Variants in BRD10 observed in about 807,000 individuals in gnomAD.
BRD10 encodes uncharacterized bromodomain-containing protein 10.
chr9:6,008,015 C>A, the BRD10 span: 2 of 1,225,552 alleles, frequency 1.6e-6, no homozygotes, highest in Non-Finnish European at 2.0e-6. Context: ...AAGAGGAGAG[C>A]CTAGGTGCCC....
the BRD10 span, among the ~76,000 whole-genome samples, chr9:5,910,999 T>C: frequency 7.2e-5 from 11 of 152,228 alleles, no homozygotes; most frequent in Non-Finnish European, 1.2e-4. Flanking sequence ...GTTGTCTCTT[T>C]ACTTTGTTGA....
the BRD10 span, among the ~76,000 whole-genome samples, chr9:5,982,870 G>A: frequency 6.6e-6 from 1 of 152,304 alleles, no homozygotes; most frequent in African/African-American, 2.4e-5. Context: ...GCACCTGGAA[G>A]TTGTGAGATA....
chr9:5,919,249 A>AT, the BRD10 span: 193 of 150,252 alleles, frequency 1.3e-3, 1 homozygote, highest in Admixed American at 4.0e-3. Context: ...ATATATATGT[A>AT]TTTTTTTTTT....
the BRD10 span, chr9:5,919,747 A>T: frequency 2.5e-6 from 4 of 1,613,406 alleles, no homozygotes; most frequent in African/African-American, 5.3e-5. Flanking sequence ...AGACAGACGC[A>T]GGACTTCGAC....
the BRD10 span, chr9:5,967,909 A>G: frequency 1.5e-6 from 1 of 674,722 alleles, no homozygotes. Context: ...ATATACACGC[A>G]TGCATACATG....
the BRD10 span, chr9:5,921,972 T>C: frequency 3.7e-6 from 6 of 1,613,968 alleles, no homozygotes; most frequent in East Asian, 1.1e-4. Flanking sequence ...AGACTAGATG[T>C]AGTAGTTGTT....
the BRD10 span, among the ~76,000 whole-genome samples, chr9:5,965,261 G>C: frequency 6.6e-6 from 1 of 151,120 alleles, no homozygotes; most frequent in Non-Finnish European, 1.5e-5. Context: ...GTATTCTACA[G>C]AATACACAGG....
chr9:5,922,257 T>A, the BRD10 span: 3 of 1,613,954 alleles, frequency 1.9e-6, no homozygotes, highest in South Asian at 3.3e-5. Context: ...CTACCAGGAT[T>A]TGTAGACCCA....
the BRD10 span, among the ~76,000 whole-genome samples, chr9:5,962,024 T>C: frequency 2.6e-5 from 4 of 152,188 alleles, no homozygotes; most frequent in Non-Finnish European, 5.9e-5. Flanking sequence ...CTGCTAGCTT[T>C]TGAATATGTT....
the BRD10 span, among the ~76,000 whole-genome samples, chr9:5,900,743 A>T: frequency 6.6e-6 from 1 of 152,230 alleles, no homozygotes; most frequent in Non-Finnish European, 1.5e-5. Context: ...CATCTTTTGA[A>T]AGGAAAGGCT....
At chr9:5,956,836 T>C in the BRD10 span, among the ~76,000 whole-genome samples, 4 of 152,150 alleles carry the variant, frequency 2.6e-5, no homozygotes, top group African/African-American at 7.2e-5. Flanking sequence ...CTTACTATAC[T>C]GTAAATTATT....
the BRD10 span, among the ~76,000 whole-genome samples, chr9:5,935,213 A>G: frequency 6.6e-5 from 10 of 152,338 alleles, no homozygotes; most frequent in African/African-American, 2.4e-4. Flanking sequence ...ACTTAAGACT[A>G]GGAGAAAAGG....
At chr9:5,987,962 C>A in the BRD10 span, among the ~76,000 whole-genome samples, 2 of 152,114 alleles carry the variant, frequency 1.3e-5, no homozygotes, top group Admixed American at 6.5e-5. Context: ...GAGGAACAGG[C>A]AGAGGTGAAT....
chr9:5,988,809 T>G, the BRD10 span, among the ~76,000 whole-genome samples: 1 of 152,148 alleles, frequency 6.6e-6, no homozygotes, highest in African/African-American at 2.4e-5. Flanking sequence ...GCACTATCTC[T>G]TTAATAGAAA....
chr9:5,885,988 T>C, the BRD10 span, among the ~76,000 whole-genome samples: 1 of 152,160 alleles, frequency 6.6e-6, no homozygotes, highest in Non-Finnish European at 1.5e-5. Context: ...TTTCCCCAAA[T>C]CTTTTGAGCC....
chr9:5,950,834 A>G, the BRD10 span, among the ~76,000 whole-genome samples: 1 of 152,094 alleles, frequency 6.6e-6, no homozygotes, highest in Non-Finnish European at 1.5e-5. Flanking sequence ...ATCCTCCCAT[A>G]TACTTTAGGT....
the BRD10 span, chr9:6,007,805 C>G: frequency 6.8e-7 from 1 of 1,481,054 alleles, no homozygotes; most frequent in African/African-American, 1.4e-5. Context: ...CAGGCCTAGG[C>G]TGGGCGGTGT....
chr9:5,922,543 T>C, the BRD10 span: 6 of 1,613,884 alleles, frequency 3.7e-6, no homozygotes, highest in African/African-American at 5.3e-5. Context: ...TGACAAAAAC[T>C]GATGCTAAAG....
At chr9:5,934,999 C>T in the BRD10 span, among the ~76,000 whole-genome samples, 1 of 152,136 alleles carries the variant, frequency 6.6e-6, no homozygotes, top group Non-Finnish European at 1.5e-5. Context: ...TACCACCATA[C>T]TAACATATTC....
Sources: allele counts gnomAD v4.1 joint callset (sites outside exome capture counted in the v4.1 genomes callset), GRCh38; gene constraint gnomAD v4.1.1; transcripts MANE v1.5; gene names NCBI Gene and HGNC (gene_info 2026-07-23, HGNC 2026-07-21).